The following UBE2D1 variants were observed in gnomAD, a reference collection of about 807,000 sequenced individuals.
UBE2D1 encodes ubiquitin conjugating enzyme E2 D1.
UBE2D1 carries 9 observed loss-of-function variants against 24.6 expected under a neutral mutation model. The ratio of observed to expected loss-of-function variants is 0.37; its 90% CI spans 0.22 to 0.64. UBE2D1 has a LOEUF of 0.64. Ranked by LOEUF, UBE2D1 falls within the 30% of genes least tolerant of loss-of-function variation. UBE2D1 has a pLI of 0.64. For missense variants in UBE2D1, 87 were observed against 177.1 expected, an observed-to-expected ratio of 0.49 and a Z score of 2.89; for synonymous variants, 57 against 57.6, an observed-to-expected ratio of 0.99 and a Z score of 0.04.
In UBE2D1 at chr10:58,366,424, G is replaced by A. The variant is rs1022177330; in HGVS notation, c.305-1499G>A. On this transcript the variant is annotated intron_variant, in intron 5 of 6. Transcript: ENST00000373910. Reference sequence around the variant, plus strand: ...TGTTACCCTTTTCCTTACCTTAAAGGATAGACATGGTTTGTGTGCATGATA... The same window carrying A: ...TGTTACCCTTTTCCTTACCTTAAAGAATAGACATGGTTTGTGTGCATGATA... Among the ~76,000 whole-genome samples, 3 of 152,122 alleles carry A rather than the reference G, an allele frequency of 2.0e-5. No homozygotes were observed. In the East Asian group the frequency reaches 5.8e-4, roughly 29 times the overall value.
In UBE2D1 at chr10:58,335,090, C is replaced by A. The variant is rs921378559; in HGVS notation, c.-112C>A. ...AGCCAGGGAGCGGCTAACCGGGGACCCACCGCGCGGAGCCAGCCTAGCTGC... is the reference window on the plus strand; with the variant it reads ...AGCCAGGGAGCGGCTAACCGGGGACACACCGCGCGGAGCCAGCCTAGCTGC... On this transcript the variant is annotated 5_prime_UTR_variant, in exon 1 of 7. Transcript: ENST00000373910. 22 of 1,195,260 alleles carry A rather than the reference C, an allele frequency of 1.8e-5. No homozygotes were observed. In the African/African-American group the frequency reaches 3.0e-4, roughly 16 times the overall value. The allele number at this position is 1,195,260 out of a possible 1,614,324, so 74.0% of individuals were successfully genotyped here.
At position 58,367,966 on chromosome 10, in the gene UBE2D1, T is replaced by C. The variant is rs760854716; in HGVS notation, c.348T>C (p.Asp116=). The C allele has an allele frequency of 2.5e-5, 40 of 1,611,270 alleles. No homozygotes were observed. The highest frequency in any genetic ancestry group is 3.4e-5 in the Non-Finnish European group (40 of 1,178,194). The change falls in exon 6 of 7, where the codon GAT becomes GAC. Residue 116 remains aspartate (D), a synonymous_variant. Transcript: ENST00000373910. The part of the protein sequence containing the change: ...ICSLLCDPNP[D]DPLVPDIAQI... ...CTCTACTTTGTGATCCTAATCCAGA[T>C]GACCCCTTAGTACCAGATATTGCAC...
rs771094255 is a variant in UBE2D1, at chr10:58,355,513, T to A, written c.25-5825T>A. Among the ~76,000 whole-genome samples, 35 of 152,148 alleles carry A rather than the reference T, an allele frequency of 2.3e-4. 1 individual carries two copies. Among genetic ancestry groups the A allele is most frequent in the Non-Finnish European group, 4.4e-4 (30 of 68,020 alleles). The stretch of plus-strand genomic sequence containing the variant: ...AGAATATAAATATAGTACATCTGAT[T>A]AAATACAAAGGACAGACAAAGAGGA... On this transcript the variant is annotated intron_variant, in intron 1 of 6. Transcript: ENST00000373910.
intron 1 of UBE2D1, among the ~76,000 whole-genome samples, chr10:58,346,270 C>G (rs1840015231): frequency 1.3e-5 from 2 of 152,132 alleles, no homozygotes; most frequent in African/African-American, 4.8e-5. Flanking sequence ...CCTCAGACTC[C>G]CGAAGTGCTG....
At position 58,369,019 on chromosome 10, in the gene UBE2D1, G is replaced by C. The variant is rs1430238583; in HGVS notation, c.*254G>C. 2.3e-5 allele frequency: 6 copies of C among 255,960 alleles called. No individual in the cohort carries two copies. The highest frequency in any genetic ancestry group is 4.5e-5 in the Non-Finnish European group (6 of 134,398). 15.9% of individuals were successfully genotyped at this position (255,960 alleles called of 1,614,324 possible). ...TGGTTTTTAAGATACTTGGACATCT[G>C]CATCTTCAGCTTACAAGATCTACAA... On this transcript the variant is annotated 3_prime_UTR_variant, in exon 7 of 7. Coordinates refer to ENST00000373910, the MANE Select transcript of UBE2D1 (RefSeq NM_003338.5).
chr10:58,364,669 T>C, intron 4 of UBE2D1, 102 bp from the exon 5 acceptor site: 1 of 743,194 alleles, frequency 1.3e-6, no homozygotes. Context: ...TCTAAAGTTA[T>C]GTAAAGTTGA....
intron 1 of UBE2D1, among the ~76,000 whole-genome samples, chr10:58,340,544 A>G (rs1310727362): frequency 6.6e-6 from 1 of 152,196 alleles, no homozygotes; most frequent in East Asian, 1.9e-4. Context: ...GCTTGGCTGT[A>G]ATATTATTAC....
Position 58,364,896 on chromosome 10 carries a change from T to G in UBE2D1, c.304+20T>G. 6.3e-7 allele frequency: 1 copy of G among 1,577,356 alleles called. No individual in the cohort carries two copies. The highest frequency in any genetic ancestry group is 2.2e-5 in the East Asian group (1 of 44,634). ...CAAAAGGTAATTTCATTGATCAGGT[T>G]TGAAACAGTTGATAACAGTGAGACA... On this transcript the variant is annotated intron_variant, in intron 5 of 6. Coordinates refer to ENST00000373910, the MANE Select transcript of UBE2D1 (RefSeq NM_003338.5).
intron 1 of UBE2D1, among the ~76,000 whole-genome samples, chr10:58,355,103 A>G (rs1840116902): frequency 2.0e-5 from 3 of 152,236 alleles, no homozygotes; most frequent in Admixed American, 6.5e-5. Flanking sequence ...ACTCTACTAT[A>G]TACTCATGAG....
intron 1 of UBE2D1, among the ~76,000 whole-genome samples, chr10:58,349,855 G>A (rs564454750): frequency 6.6e-5 from 10 of 152,112 alleles, no homozygotes; most frequent in East Asian, 3.9e-4. Context: ...CTCTATCACC[G>A]TACATTACTG....
At chr10:58,360,447 A>G (rs571813198) in intron 1 of UBE2D1, among the ~76,000 whole-genome samples, 1 of 152,058 alleles carries the variant, frequency 6.6e-6, no homozygotes, top group African/African-American at 2.4e-5. Context: ...AAAAAATCCA[A>G]AAAAGAGAAA....
In UBE2D1 at chr10:58,369,841, T is replaced by C. The variant is rs932511152; in HGVS notation, c.*1076T>C. On this transcript the variant is annotated 3_prime_UTR_variant, in exon 7 of 7. Transcript: ENST00000373910. The stretch of plus-strand genomic sequence containing the variant: ...GAGTAATTTGGGGTTTGTCTTGGAT[T>C]ATATCTAAATGGATTATTTGTTAAA... 1 of 152,008 alleles carries C rather than the reference T, an allele frequency of 6.6e-6. No individual in the cohort carries two copies. Among genetic ancestry groups the C allele is most frequent in the Non-Finnish European group, 1.5e-5 (1 of 67,810 alleles). 9.4% of individuals were successfully genotyped at this position (152,008 alleles called of 1,614,324 possible). A position where few individuals can be genotyped will look rare whatever the true frequency, so the allele number is the denominator to read the frequency against.
rs373540346 is a variant in UBE2D1, at chr10:58,369,973, T to C, written c.*1208T>C. 1.3e-5 allele frequency: 2 copies of C among 152,008 alleles called. No homozygotes were observed. The highest frequency in any genetic ancestry group is 4.8e-5 in the African/African-American group (2 of 41,402). 9.4% of individuals were successfully genotyped at this position (152,008 alleles called of 1,614,324 possible). A position where few individuals can be genotyped will look rare whatever the true frequency, so the allele number is the denominator to read the frequency against. On this transcript the variant is annotated 3_prime_UTR_variant, in exon 7 of 7. Transcript: ENST00000373910. ...TTAAAATGCCCCCACCCTGATGTAA[T>C]TGACATTACATTTCTTAACATTTTA...
intron 1 of UBE2D1, among the ~76,000 whole-genome samples, chr10:58,351,257 ACT>A: frequency 6.6e-6 from 1 of 152,024 alleles, no homozygotes; most frequent in Non-Finnish European, 1.5e-5. Flanking sequence ...GCTTACTGTA[ACT>A]CTTTGTTTAT....
intron 1 of UBE2D1, among the ~76,000 whole-genome samples, chr10:58,354,889 A>G (rs1474478800): frequency 6.6e-6 from 1 of 152,212 alleles, no homozygotes; most frequent in African/African-American, 2.4e-5. Flanking sequence ...ATAGTAAATA[A>G]TTTAAGAATA....
intron 1 of UBE2D1, among the ~76,000 whole-genome samples, chr10:58,342,906 T>C (rs1046107597): frequency 1.3e-5 from 2 of 150,860 alleles, no homozygotes; most frequent in Non-Finnish European, 3.0e-5. Flanking sequence ...CTCGGCTCAC[T>C]GCAACCTCTG....
At chr10:58,355,612 C>T (rs1440443741) in intron 1 of UBE2D1, among the ~76,000 whole-genome samples, 1 of 151,992 alleles carries the variant, frequency 6.6e-6, no homozygotes, top group Non-Finnish European at 1.5e-5. Context: ...ATGGGGAGTA[C>T]AGGAAAATAA....
chr10:58,354,338 A>G (rs570001621), intron 1 of UBE2D1, among the ~76,000 whole-genome samples: 1 of 152,272 alleles, frequency 6.6e-6, no homozygotes, highest in Admixed American at 6.5e-5. Flanking sequence ...AGAAAATTAT[A>G]AGGGCCAGAA....
At chr10:58,338,482 AT>A (rs1179295247) in intron 1 of UBE2D1, among the ~76,000 whole-genome samples, 2 of 152,208 alleles carry the variant, frequency 1.3e-5, no homozygotes, top group African/African-American at 2.4e-5. Context: ...CTAAGGAAAG[AT>A]ACCTAAAACA....
Sources: gnomAD v4.1 joint callset for allele counts (sites outside exome capture counted in the v4.1 genomes callset) on GRCh38, gnomAD v4.1.1 for gene constraint, MANE v1.5 for transcripts, NCBI Gene and HGNC (gene_info 2026-07-23, HGNC 2026-07-21) for gene names.